Variants in ARHGAP31 observed in about 807,000 individuals in gnomAD.
The protein encoded by ARHGAP31 is Rho GTPase activating protein 31, also known as rho GTPase-activating protein 31.
ARHGAP31 carries 34 observed loss-of-function variants against 113.9 expected under a neutral mutation model. That is an observed-to-expected ratio of 0.30 (90% CI 0.23 to 0.40). The LOEUF (loss-of-function observed/expected upper bound fraction) is 0.40. ARHGAP31 is among the 10% of genes least tolerant of loss of function. The probability of loss-of-function intolerance (pLI) is 1.00; values close to 1 mark genes in which losing one functional copy is unlikely to be tolerated. For synonymous variants in ARHGAP31, 650 were observed against 684.8 expected, an observed-to-expected ratio of 0.95 and a Z score of 0.79; for missense variants, 1,548 against 1,767.1, an observed-to-expected ratio of 0.88 and a Z score of 2.22.
At position 119,390,834 on chromosome 3, in the gene ARHGAP31, C is replaced by T; in HGVS notation, c.732C>T (p.Pro244=). ...KSLTLPALSL[P]MKLVSLEEAQ... The stretch of plus-strand genomic sequence containing the variant: ...TGACCTTGCCAGCCCTCTCCCTGCC[C>T]ATGAAGCTGGTGAGCCTTGAGGAAG... Residue 244 remains proline (P), a synonymous_variant, in exon 7 of 12, where the codon CCC becomes CCT. Transcript: ENST00000264245. The T allele has an allele frequency of 1.2e-6, 2 of 1,613,684 alleles. No homozygotes were observed. Among genetic ancestry groups the T allele is most frequent in the East Asian group, 2.2e-5 (1 of 44,884 alleles).
chr3:119,381,170 T>C (rs551087333), intron 4 of ARHGAP31, among the ~76,000 whole-genome samples, 184 bp downstream of exon 4: 64 of 152,204 alleles, frequency 4.2e-4, no homozygotes, highest in African/African-American at 1.5e-3. Flanking sequence ...ACCAGGGACA[T>C]TGGCAGCAAG....
intron 1 of ARHGAP31, among the ~76,000 whole-genome samples, chr3:119,296,230 G>A (rs544232640): frequency 6.6e-6 from 1 of 152,226 alleles, no homozygotes; most frequent in Non-Finnish European, 1.5e-5. Context: ...TGGTATTCTA[G>A]AGTTCAGTCT....
intron 3 of ARHGAP31, among the ~76,000 whole-genome samples, 154 bp downstream of exon 3, chr3:119,368,670 G>C (rs1278486953): frequency 6.6e-6 from 1 of 152,200 alleles, no homozygotes; most frequent in Admixed American, 6.5e-5. Flanking sequence ...AAGGAAAATA[G>C]GGTGGTGGAA....
intron 10 of ARHGAP31, among the ~76,000 whole-genome samples, chr3:119,406,556 G>A (rs2080664443): frequency 6.6e-6 from 1 of 152,200 alleles, no homozygotes; most frequent in African/African-American, 2.4e-5. Context: ...AAGTTCTATA[G>A]AGTCCATAGC....
chr3:119,301,351 G>T (rs910012654), intron 1 of ARHGAP31, among the ~76,000 whole-genome samples: 1 of 152,234 alleles, frequency 6.6e-6, no homozygotes, highest in African/African-American at 2.4e-5. Flanking sequence ...AGTCTGCGGG[G>T]TGAGGGAGAG....
chr3:119,400,720 G>A (rs1313059946), intron 9 of ARHGAP31, among the ~76,000 whole-genome samples: 2 of 152,126 alleles, frequency 1.3e-5, no homozygotes, highest in African/African-American at 4.8e-5. Flanking sequence ...TTACAGGGTG[G>A]TCATAAGAAT....
At position 119,380,720 on chromosome 3, in the gene ARHGAP31, C is replaced by T. The variant is rs1158181683; in HGVS notation, c.349-184C>T. Among the ~76,000 whole-genome samples the T allele has an allele frequency of 3.3e-5, 5 of 152,168 alleles. No individual in the cohort carries two copies. The East Asian group carries it at 5.8e-4, about 18-fold the overall frequency. Reference sequence around the variant, plus strand: ...CACACATGGTGAGACCCTGCACACACATCCAGAACCAACAGAAACTGTAGT... The same window carrying T: ...CACACATGGTGAGACCCTGCACACATATCCAGAACCAACAGAAACTGTAGT... On this transcript the variant is annotated intron_variant, in intron 3 of 11. Transcript: ENST00000264245.
intron 10 of ARHGAP31, among the ~76,000 whole-genome samples, chr3:119,402,862 A>G (rs2080624921): frequency 6.6e-6 from 1 of 152,076 alleles, no homozygotes; most frequent in African/African-American, 2.4e-5. Flanking sequence ...CCTTATTTCT[A>G]CTTTATATTT....
intron 11 of ARHGAP31, among the ~76,000 whole-genome samples, chr3:119,412,340 A>G (rs2080723545): frequency 6.6e-6 from 1 of 151,998 alleles, no homozygotes; most frequent in Admixed American, 6.6e-5. Context: ...ATGAGCCGAA[A>G]TCATGCCACT....
At chr3:119,315,003 A>G (rs2079716948) in intron 1 of ARHGAP31, among the ~76,000 whole-genome samples, 1 of 152,050 alleles carries the variant, frequency 6.6e-6, no homozygotes, top group South Asian at 2.1e-4. Context: ...CCTCCTCCAC[A>G]CCCTTGTGCC....
At chr3:119,365,265 A>C in intron 1 of ARHGAP31, 51 bp from the exon 2 acceptor site, 1 of 1,467,686 alleles carries the variant, frequency 6.8e-7, no homozygotes, top group Non-Finnish European at 9.5e-7. Context: ...TTTAAAAGAC[A>C]GGCAGACTTA....
chr3:119,363,122 AC>A lies in ARHGAP31; in HGVS notation c.101-2192del, dbSNP rs72332228. ...TTTGGTATCCGAATCTGCACTCTCA[AC>A]CATAGACTGTGTGGTGGCAGGTTAC... is the stretch of plus-strand genomic sequence containing the variant. On this transcript the variant is annotated intron_variant, in intron 1 of 11. Coordinates refer to ENST00000264245, the MANE Select transcript of ARHGAP31 (RefSeq NM_020754.4). Among the ~76,000 whole-genome samples the A allele has an allele frequency of 7.7e-3, 1,175 of 152,224 alleles. 38 individuals are homozygous for A. The East Asian group carries it at 0.11, about 14-fold the overall frequency.
At chr3:119,370,090 C>G (rs1008097124) in intron 3 of ARHGAP31, among the ~76,000 whole-genome samples, 1 of 152,154 alleles carries the variant, frequency 6.6e-6, no homozygotes, top group Non-Finnish European at 1.5e-5. Context: ...TCCTTTAGAT[C>G]TAAGGCAGAA....
intron 1 of ARHGAP31, among the ~76,000 whole-genome samples, chr3:119,337,254 G>A (rs754812196): frequency 1.3e-5 from 2 of 152,144 alleles, no homozygotes; most frequent in African/African-American, 2.4e-5. Flanking sequence ...TCCTTCTGGT[G>A]GGTTCATGGT....
chr3:119,329,097 G>T (rs1337254633), intron 1 of ARHGAP31, among the ~76,000 whole-genome samples: 3 of 152,128 alleles, frequency 2.0e-5, no homozygotes, highest in African/African-American at 7.2e-5. Flanking sequence ...CCTTGGAAGG[G>T]ACCTAAAAGT....
At position 119,414,983 on chromosome 3, in the gene ARHGAP31, T is replaced by A; in HGVS notation, c.3054T>A (p.Ala1018=). Residue 1018 remains alanine, a synonymous_variant, in exon 12 of 12, where the codon GCT becomes GCA. Coordinates refer to ENST00000264245, the MANE Select transcript of ARHGAP31 (RefSeq NM_020754.4). The part of the protein sequence containing the change: ...REFSGLKGAE[A]PPNQKGPSGV... ...TCTCTGGCCTGAAAGGGGCAGAGGC[T>A]CCTCCCAACCAGAAGGGACCAAGTG... 1 of 1,613,940 alleles carries A rather than the reference T, an allele frequency of 6.2e-7. No homozygotes were observed. Among genetic ancestry groups the A allele is most frequent in the Non-Finnish European group, 8.5e-7 (1 of 1,179,992 alleles).
intron 1 of ARHGAP31, among the ~76,000 whole-genome samples, chr3:119,349,972 G>A (rs1182972031): frequency 6.6e-6 from 1 of 152,174 alleles, no homozygotes; most frequent in African/African-American, 2.4e-5. Flanking sequence ...TAATCTTAAA[G>A]CATGAACACC....
In ARHGAP31 at chr3:119,418,651, G is replaced by T. The variant is rs1046782648; in HGVS notation, c.*2387G>T. Reference sequence around the variant, plus strand: ...ATTTACATATTAACAAGTGACTTCAGTTCTAAGGGTTGAGATGCCTGTGTG... The same window carrying T: ...ATTTACATATTAACAAGTGACTTCATTTCTAAGGGTTGAGATGCCTGTGTG... On this transcript the variant is annotated 3_prime_UTR_variant, in exon 12 of 12. Transcript: ENST00000264245. The T allele has an allele frequency of 6.6e-6, 1 of 152,224 alleles. No homozygotes were observed. The highest frequency in any genetic ancestry group is 2.4e-5 in the African/African-American group (1 of 41,446). The allele number at this position is 152,224 out of a possible 1,614,324, so 9.4% of individuals were successfully genotyped here.
intron 3 of ARHGAP31, among the ~76,000 whole-genome samples, chr3:119,369,016 T>C (rs1274687146): frequency 6.6e-6 from 1 of 151,942 alleles, no homozygotes; most frequent in Non-Finnish European, 1.5e-5. Flanking sequence ...GAAAAGAATA[T>C]GAGAAAAACA....
Sources: gnomAD v4.1 joint callset for allele counts (sites outside exome capture counted in the v4.1 genomes callset) on GRCh38, gnomAD v4.1.1 for gene constraint, MANE v1.5 for transcripts, NCBI Gene and HGNC (gene_info 2026-07-23, HGNC 2026-07-21) for gene names.